RBM25: variants seen among roughly 807,000 people sequenced by gnomAD.
RBM25 encodes RNA binding motif protein 25.
Under a neutral mutation model 120.7 loss-of-function variants are expected in RBM25, and 19 were observed. The ratio of observed to expected loss-of-function variants is 0.16; its 90% CI spans 0.11 to 0.23. The LOEUF is 0.23. RBM25 is among the 10% of genes least tolerant of loss of function. RBM25 has a pLI of 1.00. For synonymous variants in RBM25, 390 were observed against 326.7 expected, an observed-to-expected ratio of 1.19 and a Z score of -2.09; for missense variants, 605 against 1,041.5, an observed-to-expected ratio of 0.58 and a Z score of 5.77.
chr14:73,089,207 A>T (rs1247469591), intron 6 of RBM25, among the ~76,000 whole-genome samples: 1 of 152,164 alleles, frequency 6.6e-6, no homozygotes, highest in Non-Finnish European at 1.5e-5. Context: ...TTAAAAAAAA[A>T]TAAAAACCAA....
chr14:73,106,964 C>T (rs1406753724), intron 12 of RBM25, among the ~76,000 whole-genome samples: 1 of 151,880 alleles, frequency 6.6e-6, no homozygotes, highest in African/African-American at 2.4e-5. Flanking sequence ...CTCAGCCTCC[C>T]GAGTAGCTGG....
chr14:73,071,892 A>G (rs772180889), intron 2 of RBM25, 145 bp downstream of exon 2: 9 of 630,180 alleles, frequency 1.4e-5, no homozygotes, highest in Non-Finnish European at 2.2e-5. Context: ...TCTTTTTCCT[A>G]TAGCAGTAGC....
chr14:73,077,643 C>A, intron 4 of RBM25, 107 bp downstream of exon 4: 1 of 1,014,204 alleles, frequency 9.9e-7, no homozygotes, highest in Non-Finnish European at 1.4e-6. Context: ...TAAAAAATTT[C>A]AGTCCTGCAG....
At chr14:73,078,684 A>G (rs866062028) in intron 4 of RBM25, among the ~76,000 whole-genome samples, 6 of 152,200 alleles carry the variant, frequency 3.9e-5, no homozygotes, top group African/African-American at 1.2e-4. Context: ...GGCTCACTGC[A>G]AACTCTGCCT....
chr14:73,078,964 C>T (rs531693311), intron 4 of RBM25, among the ~76,000 whole-genome samples: 1 of 152,262 alleles, frequency 6.6e-6, no homozygotes, highest in Non-Finnish European at 1.5e-5. Context: ...ATGATTTTAG[C>T]ATCCAATGAT....
At chr14:73,068,160 A>T (rs1895187492) in intron 1 of RBM25, 2 of 845,350 alleles carry the variant, frequency 2.4e-6, no homozygotes, top group African/African-American at 3.4e-5. Flanking sequence ...TTGGTCCTGG[A>T]TGCTTTAGTG....
intron 6 of RBM25, among the ~76,000 whole-genome samples, chr14:73,090,890 T>C (rs1183174812): frequency 6.6e-6 from 1 of 151,124 alleles, no homozygotes; most frequent in Non-Finnish European, 1.5e-5. Context: ...ATAAGGAAAT[T>C]ATATTTTATT....
chr14:73,123,535 G>C lies in RBM25; in HGVS notation c.*3730G>C, dbSNP rs952642121. 3 of 152,154 alleles carry C rather than the reference G, an allele frequency of 2.0e-5. No homozygotes were observed. Among genetic ancestry groups the C allele is most frequent in the African/African-American group, 7.2e-5 (3 of 41,424 alleles). The allele number at this position is 152,154 out of a possible 1,614,324, so 9.4% of individuals were successfully genotyped here. On this transcript the variant is annotated 3_prime_UTR_variant, in exon 19 of 19. Coordinates refer to ENST00000261973, the MANE Select transcript of RBM25 (RefSeq NM_021239.3). ...TGTGAATGTCACTGGAGATAAAAGG[G>C]TATGAGAAGGAATCCCAAGCAGGCA...
At chr14:73,094,044 C>T (rs1480803673) in intron 6 of RBM25, among the ~76,000 whole-genome samples, 51 of 147,424 alleles carry the variant, frequency 3.5e-4, no homozygotes, top group African/African-American at 1.1e-3. Flanking sequence ...CTCCGCCTCC[C>T]GGGTTCACGC....
chr14:73,091,121 G>A (rs1412015141), intron 6 of RBM25, among the ~76,000 whole-genome samples: 1 of 152,158 alleles, frequency 6.6e-6, no homozygotes, highest in African/African-American at 2.4e-5. Context: ...TGTAGCATTT[G>A]CAAATGTTAT....
Position 73,103,458 on chromosome 14 carries a change from T to C in RBM25, c.1134T>C (p.Asn378=), listed in dbSNP as rs1489806672. The C allele has an allele frequency of 1.9e-6, 3 of 1,601,930 alleles. No individual in the cohort carries two copies. Among genetic ancestry groups the C allele is most frequent in the Non-Finnish European group, 2.6e-6 (3 of 1,175,340 alleles). ...ATAGAGAAAGGAGCTCAGATCGTAA[T>C]AAGGATCGCAGTCGATCAAGGTAAG... ...DRDRERSSDR[N]KDRSRSREKS... is the part of the protein sequence containing the mutation. Residue 378 remains asparagine (N), a synonymous_variant, in exon 10 of 19, where the codon AAT becomes AAC. Coordinates refer to ENST00000261973, the MANE Select transcript of RBM25 (RefSeq NM_021239.3).
intron 10 of RBM25, 57 bp from the exon 11 acceptor site, chr14:73,105,802 T>C: frequency 1.9e-6 from 3 of 1,581,272 alleles, no homozygotes; most frequent in South Asian, 1.2e-5. Flanking sequence ...TCCTTTACTT[T>C]GGTCTTGAAA....
chr14:73,093,696 T>A (rs1895867566), intron 6 of RBM25, among the ~76,000 whole-genome samples: 3 of 150,580 alleles, frequency 2.0e-5, no homozygotes, highest in African/African-American at 7.3e-5. Flanking sequence ...TTAGTAAAGA[T>A]GGGTTTCGCC....
At chr14:73,068,170 G>T in intron 1 of RBM25, 1 of 842,704 alleles carries the variant, frequency 1.2e-6, no homozygotes. Flanking sequence ...ATGCTTTAGT[G>T]GTCTCTTGAT....
rs1283517249 is a variant in RBM25, at chr14:73,063,731, C to G, written c.-16+5026C>G. On this transcript the variant is annotated intron_variant, in intron 1 of 18. Transcript: ENST00000261973. ...CTCTTATATGGATTATTGTACCAGT[C>G]TCTTGCTTGTATCCTGTTCCCTTCC... Among the ~76,000 whole-genome samples, 6 of 151,440 alleles carry G rather than the reference C, an allele frequency of 4.0e-5. 1 individual carries two copies. Among genetic ancestry groups the G allele is most frequent in the Admixed American group, 4.0e-4 (6 of 15,176 alleles).
intron 1 of RBM25, chr14:73,064,979 C>G (rs1267535149): frequency 1.4e-5 from 2 of 147,928 alleles, no homozygotes; most frequent in South Asian, 2.1e-4. Context: ...TAGACGGAGT[C>G]TTACTCTGTC....
chr14:73,077,460 G>A lies in RBM25; in HGVS notation c.248G>A (p.Cys83Tyr), dbSNP rs893473452. The part of the protein sequence containing the change: ...GLKAKENDEN[C>Y]GPTTTVFVGN... The stretch of plus-strand genomic sequence containing the variant: ...AAGGCTAAAGAAAATGATGAAAATT[G>A]TGGTCCTACTACCACTGTTTTTGTT... The change falls in exon 4 of 19, where the codon TGT becomes TAT. Residue 83 changes from cysteine to tyrosine, a missense_variant. Coordinates refer to ENST00000261973, the MANE Select transcript of RBM25 (RefSeq NM_021239.3). 4 of 1,613,910 alleles carry A rather than the reference G, an allele frequency of 2.5e-6. No homozygotes were observed. The highest frequency in any genetic ancestry group is 3.4e-6 in the Non-Finnish European group (4 of 1,179,958).
At chr14:73,102,181 C>T (rs1373949481) in intron 9 of RBM25, 1 of 152,192 alleles carries the variant, frequency 6.6e-6, no homozygotes, top group East Asian at 1.9e-4. Flanking sequence ...TTTGGTGAAA[C>T]TAAACGTGAA....
chr14:73,070,586 T>C (rs951190202), intron 1 of RBM25, among the ~76,000 whole-genome samples: 2 of 152,080 alleles, frequency 1.3e-5, no homozygotes, highest in African/African-American at 4.8e-5. Context: ...GTCTCTTAGG[T>C]AGTGGCCAGC....
Sources: gnomAD v4.1 joint callset for allele counts (sites outside exome capture counted in the v4.1 genomes callset) on GRCh38, gnomAD v4.1.1 for gene constraint, MANE v1.5 for transcripts, NCBI Gene and HGNC (gene_info 2026-07-23, HGNC 2026-07-21) for gene names.